Variants in VEGFC observed in about 807,000 individuals in gnomAD.
The protein encoded by VEGFC is vascular endothelial growth factor C.
A neutral mutation model predicts 46.1 loss-of-function variants in VEGFC; 12 were observed. The observed-to-expected ratio is 0.26, with a 90% confidence interval of 0.17 to 0.42. VEGFC has a LOEUF of 0.42. Among genes scored for constraint, VEGFC ranks in the 10% least tolerant of loss-of-function variants. The pLI, the probability that VEGFC is intolerant of heterozygous loss-of-function variation, is 1.00. For missense variants in VEGFC, 488 were observed against 529.4 expected (o/e 0.92, Z 0.77); for synonymous variants, 232 against 195.5 (o/e 1.19, Z -1.56).
chr4:176,712,854 A>G (rs1734640457), intron 3 of VEGFC, among the ~76,000 whole-genome samples: 1 of 152,226 alleles, frequency 6.6e-6, no homozygotes, highest in Admixed American at 6.5e-5. Flanking sequence ...TATTCCTTAT[A>G]TATTCATTTA....
At chr4:176,684,153 T>G (rs528282732) in intron 6 of VEGFC, 113 bp from the exon 7 acceptor site, 1 of 806,904 alleles carries the variant, frequency 1.2e-6, no homozygotes, top group South Asian at 1.7e-5. Context: ...ATTACTAATT[T>G]TATGACGAAA....
chr4:176,735,231 T>C (rs1735034195), intron 1 of VEGFC, among the ~76,000 whole-genome samples: 1 of 151,958 alleles, frequency 6.6e-6, no homozygotes. Context: ...TAAATGGAAA[T>C]CTGTCTTCTG....
intron 3 of VEGFC, among the ~76,000 whole-genome samples, chr4:176,722,903 C>T (rs1734813422): frequency 6.6e-6 from 1 of 152,148 alleles, no homozygotes; most frequent in South Asian, 2.1e-4. Context: ...TAAATACTTT[C>T]ACTCCAATAC....
At chr4:176,789,573 A>C (rs1736056152) in intron 1 of VEGFC, among the ~76,000 whole-genome samples, 1 of 152,196 alleles carries the variant, frequency 6.6e-6, no homozygotes, top group Non-Finnish European at 1.5e-5. Flanking sequence ...ACAGCTTCAG[A>C]CTTGCTATTC....
chr4:176,758,451 A>G (rs1735470485), intron 1 of VEGFC, among the ~76,000 whole-genome samples: 1 of 152,108 alleles, frequency 6.6e-6, no homozygotes, highest in Admixed American at 6.6e-5. Flanking sequence ...CATACCAGAC[A>G]CTTCCCAGAG....
At chr4:176,689,408 ATGCAGCTTGAACAT>A (rs1489010872) in intron 4 of VEGFC, 2 of 152,186 alleles carry the variant, frequency 1.3e-5, no homozygotes, top group African/African-American at 2.4e-5. Flanking sequence ...TGCAACCAAA[ATGCAGCTTGAACAT>A]CTTCCTTCAG....
intron 1 of VEGFC, among the ~76,000 whole-genome samples, chr4:176,735,572 C>T (rs1327148559): frequency 6.6e-6 from 1 of 151,844 alleles, no homozygotes; most frequent in East Asian, 1.9e-4. Flanking sequence ...GGAAATCTTC[C>T]CAGAAATTAA....
chr4:176,728,488 G>GT (rs1734909423), intron 2 of VEGFC, among the ~76,000 whole-genome samples: 1 of 152,104 alleles, frequency 6.6e-6, no homozygotes, highest in African/African-American at 2.4e-5. Context: ...GAGTAATGTC[G>GT]TGGCTGCAGC....
intron 1 of VEGFC, among the ~76,000 whole-genome samples, chr4:176,741,001 G>A (rs996401185): frequency 1.3e-5 from 2 of 151,818 alleles, no homozygotes; most frequent in African/African-American, 4.8e-5. Flanking sequence ...GGAATATAAA[G>A]TATCTTTAGA....
chr4:176,762,961 C>T (rs1352572599), intron 1 of VEGFC, among the ~76,000 whole-genome samples: 1 of 152,182 alleles, frequency 6.6e-6, no homozygotes, highest in Non-Finnish European at 1.5e-5. Context: ...AGAAAAATAA[C>T]TCTGATCTAC....
rs549221168 is a variant in VEGFC, at chr4:176,692,704, C to A, written c.705-4777G>T. On this transcript the variant is annotated intron_variant, in intron 4 of 6. Coordinates refer to ENST00000618562, the MANE Select transcript of VEGFC (RefSeq NM_005429.5). ...CAGACAAACAAAAAGACAGAAGTAA[C>A]TTCTGCAGACTTAAATGTCCCTGTC... Among the ~76,000 whole-genome samples, 5 of 149,382 alleles carry A rather than the reference C, an allele frequency of 3.3e-5. No individual in the cohort carries two copies. The East Asian group carries it at 9.7e-4, about 29-fold the overall frequency.
intron 4 of VEGFC, among the ~76,000 whole-genome samples, chr4:176,696,842 A>T (rs574694459): frequency 8.1e-4 from 124 of 152,150 alleles, no homozygotes; most frequent in African/African-American, 2.7e-3. Flanking sequence ...TATCTACAAC[A>T]ATCTGATCTT....
At chr4:176,779,067 T>C (rs1408497451) in intron 1 of VEGFC, among the ~76,000 whole-genome samples, 2 of 152,196 alleles carry the variant, frequency 1.3e-5, no homozygotes, top group Admixed American at 1.3e-4. Context: ...TTTATGAATA[T>C]AGTCTATGTA....
intron 1 of VEGFC, among the ~76,000 whole-genome samples, chr4:176,739,109 A>G (rs1735106514): frequency 6.6e-6 from 1 of 152,114 alleles, no homozygotes; most frequent in African/African-American, 2.4e-5. Context: ...ATGAGATACC[A>G]TCTTATTCCA....
intron 1 of VEGFC, among the ~76,000 whole-genome samples, chr4:176,758,951 C>T (rs1735480908): frequency 6.6e-6 from 1 of 152,138 alleles, no homozygotes; most frequent in Admixed American, 6.6e-5. Context: ...ATCCCACTGC[C>T]ATCCAGGGCC....
At chr4:176,721,758 G>A (rs1734791341) in intron 3 of VEGFC, among the ~76,000 whole-genome samples, 1 of 152,176 alleles carries the variant, frequency 6.6e-6, no homozygotes, top group Non-Finnish European at 1.5e-5. Flanking sequence ...TAGGGAATAG[G>A]TTCTAACTGT....
chr4:176,733,663 A>T (rs185816113), intron 1 of VEGFC, among the ~76,000 whole-genome samples: 219 of 151,942 alleles, frequency 1.4e-3, no homozygotes, highest in African/African-American at 5.2e-3. Flanking sequence ...GAAGTGATGT[A>T]TCTTGACTGT....
At chr4:176,766,340 C>T (rs966917516) in intron 1 of VEGFC, among the ~76,000 whole-genome samples, 1 of 152,096 alleles carries the variant, frequency 6.6e-6, no homozygotes, top group African/African-American at 2.4e-5. Context: ...AATCCCAGCA[C>T]TTTCAGAGGC....
intron 3 of VEGFC, among the ~76,000 whole-genome samples, chr4:176,723,078 T>C (rs1734815518): frequency 6.6e-6 from 1 of 152,206 alleles, no homozygotes. Context: ...TAAGGTATGC[T>C]TAGGTATCTA....
Sources: allele counts gnomAD v4.1 joint callset (sites outside exome capture counted in the v4.1 genomes callset), GRCh38; gene constraint gnomAD v4.1.1; transcripts MANE v1.5; gene names NCBI Gene and HGNC (gene_info 2026-07-23, HGNC 2026-07-21).